Variants in INSL6 observed in about 807,000 individuals in gnomAD.
INSL6 encodes insulin like 6, also known as insulin-like peptide INSL6.
Under a neutral mutation model 9.4 loss-of-function variants are expected in INSL6, and 16 were observed. That is an observed-to-expected ratio of 1.70 (90% CI 1.15 to 2.59). INSL6 has a LOEUF of 2.59. Among genes scored for constraint, INSL6 ranks in the 30% most tolerant of loss-of-function variants. INSL6 has a pLI of 0.00. For synonymous variants in INSL6, 154 were observed against 96.9 expected (o/e 1.59, Z -3.46); for missense variants, 391 against 257.3 (o/e 1.52, Z -3.56).
At chr9:5,094,607 AC>A in the INSL6 span, 1 of 152,000 alleles carries the variant, frequency 6.6e-6, no homozygotes, top group Admixed American at 6.6e-5. Flanking sequence ...TACCATCATG[AC>A]CCTTAGCCAT....
At chr9:5,014,271 A>C in the INSL6 span, among the ~76,000 whole-genome samples, 6 of 150,374 alleles carry the variant, frequency 4.0e-5, no homozygotes, top group Non-Finnish European at 8.9e-5. Flanking sequence ...CCCAGAGTGC[A>C]GGGATTACAG....
intron 1 of INSL6, among the ~76,000 whole-genome samples, chr9:5,180,140 G>C (rs138473684): frequency 1.2e-4 from 19 of 152,244 alleles, no homozygotes; most frequent in African/African-American, 4.3e-4. Flanking sequence ...ATTTTAATAT[G>C]GACATTTATC....
At chr9:5,098,808 C>G in the INSL6 span, 1 of 150,922 alleles carries the variant, frequency 6.6e-6, no homozygotes, top group African/African-American at 2.5e-5. Context: ...ATTCTCCTGC[C>G]TCAGCCTCCC....
chr9:5,002,526 G>T, the INSL6 span, among the ~76,000 whole-genome samples: 9 of 152,068 alleles, frequency 5.9e-5, no homozygotes, highest in South Asian at 1.9e-3. Context: ...TCAAATGTTT[G>T]AGAATTGGTT....
the INSL6 span, among the ~76,000 whole-genome samples, chr9:5,078,848 ATC>A: frequency 6.6e-6 from 1 of 152,280 alleles, no homozygotes; most frequent in South Asian, 2.1e-4. Context: ...TAGTTTAATT[ATC>A]CAGCTAATTC....
At chr9:5,082,002 ATGCTGTGT>A in the INSL6 span, 1 of 694,716 alleles carries the variant, frequency 1.4e-6, no homozygotes. Flanking sequence ...TGTTGGAGAA[ATGCTGTGT>A]TAAATAAACA....
chr9:5,046,801 A>G, the INSL6 span, among the ~76,000 whole-genome samples: 1 of 128,274 alleles, frequency 7.8e-6, no homozygotes, highest in Non-Finnish European at 1.5e-5. Flanking sequence ...TGAAAACAGG[A>G]TATTATGAGG....
In INSL6 at chr9:5,130,007, T is replaced by C. The variant is rs1824233206; in HGVS notation, c.*10+3418A>G. On this transcript the variant is annotated intron_variant, in intron 3 of 3. Transcript: ENST00000649639. ...GCTTAGTTGGTGCAAGCTCTCAATA[T>C]GTTTCATTCTTTTTTATAGTCTTTC... Among the ~76,000 whole-genome samples the C allele has an allele frequency of 1.3e-5, 2 of 152,204 alleles. 1 individual carries two copies. The highest frequency in any genetic ancestry group is 4.1e-4 in the South Asian group (2 of 4,836).
At chr9:5,183,836 A>T (rs1454914718) in intron 1 of INSL6, among the ~76,000 whole-genome samples, 1 of 152,206 alleles carries the variant, frequency 6.6e-6, no homozygotes, top group Non-Finnish European at 1.5e-5. Flanking sequence ...GTGGGCCACG[A>T]ACTAGCAGCA....
At chr9:5,166,366 G>T (rs1392611829) in intron 1 of INSL6, among the ~76,000 whole-genome samples, 2 of 151,844 alleles carry the variant, frequency 1.3e-5, no homozygotes, top group South Asian at 2.1e-4. Context: ...TGCAGTTAGA[G>T]GCCTATTAGA....
chr9:5,138,982 G>T (rs1294610284), intron 2 of INSL6, among the ~76,000 whole-genome samples: 2 of 151,908 alleles, frequency 1.3e-5, no homozygotes, highest in African/African-American at 4.8e-5. Context: ...AACATTTCTT[G>T]GTTGTTCAAG....
At chr9:5,004,128 T>C in the INSL6 span, among the ~76,000 whole-genome samples, 1 of 152,194 alleles carries the variant, frequency 6.6e-6, no homozygotes, top group African/African-American at 2.4e-5. Flanking sequence ...CACATACTTA[T>C]CTTTTGTGGT....
chr9:5,114,824 C>T, the INSL6 span: 2 of 276,790 alleles, frequency 7.2e-6, no homozygotes, highest in South Asian at 3.6e-5. Flanking sequence ...CTGCCTTCCT[C>T]CCCACTAGGG....
chr9:5,112,914 C>G, the INSL6 span: 1 of 278,820 alleles, frequency 3.6e-6, no homozygotes, highest in Non-Finnish European at 6.6e-6. Flanking sequence ...AGAACGCCCA[C>G]TTGAGGCCCT....
At chr9:5,086,167 C>G in the INSL6 span, 1 of 385,538 alleles carries the variant, frequency 2.6e-6, no homozygotes, top group South Asian at 5.6e-5. Context: ...GCGGTCTCCA[C>G]GCCGCCGGTC....
intron 2 of INSL6, among the ~76,000 whole-genome samples, chr9:5,142,931 C>G (rs903974395): frequency 6.6e-6 from 1 of 152,026 alleles, no homozygotes; most frequent in African/African-American, 2.4e-5. Context: ...TTCTTGAAAG[C>G]CTTTTCTGCA....
At chr9:5,090,788 C>T in the INSL6 span, 16 of 1,612,812 alleles carry the variant, frequency 9.9e-6, no homozygotes, top group Non-Finnish European at 1.3e-5. Context: ...GATCTGGCAA[C>T]GAGAAATATA....
the INSL6 span, among the ~76,000 whole-genome samples, chr9:5,076,296 A>G: frequency 2.6e-5 from 4 of 152,186 alleles, no homozygotes; most frequent in African/African-American, 9.7e-5. Context: ...GAAGGCTATC[A>G]AACAGCATTG....
chr9:5,163,878 A>T lies in INSL6; in HGVS notation c.*35T>A. The T allele has an allele frequency of 1.5e-6, 2 of 1,323,266 alleles. No individual in the cohort carries two copies. Among genetic ancestry groups the T allele is most frequent in the Non-Finnish European group, 2.1e-6 (2 of 937,960 alleles). 82.0% of individuals were successfully genotyped at this position (1,323,266 alleles called of 1,614,324 possible). Reference sequence around the variant, plus strand: ...AAAAATAGAGTTAAATAAATGTATTAAGCTTTTATTAGGTTAGAAAAAATT... The same window carrying T: ...AAAAATAGAGTTAAATAAATGTATTTAGCTTTTATTAGGTTAGAAAAAATT... On this transcript the variant is annotated 3_prime_UTR_variant, in exon 2 of 2. Transcript: ENST00000381641.
Sources: allele counts gnomAD v4.1 joint callset (sites outside exome capture counted in the v4.1 genomes callset), GRCh38; gene constraint gnomAD v4.1.1; transcripts MANE v1.5; gene names NCBI Gene and HGNC (gene_info 2026-07-23, HGNC 2026-07-21).